CPNE4: variants seen among roughly 807,000 people sequenced by gnomAD.
CPNE4 encodes copine 4.
In CPNE4, 25 loss-of-function variants were observed where a neutral mutation model predicts 67.9. That is an observed-to-expected ratio of 0.37 (90% CI 0.27 to 0.51). The LOEUF (loss-of-function observed/expected upper bound fraction) is 0.51. Ranked by LOEUF, CPNE4 falls within the 20% of genes least tolerant of loss-of-function variation. CPNE4 has a pLI of 0.93. For synonymous variants in CPNE4, 242 were observed against 244.9 expected, an observed-to-expected ratio of 0.99 and a Z score of 0.11; for missense variants, 464 against 690.8, an observed-to-expected ratio of 0.67 and a Z score of 3.68.
At chr3:131,584,514 C>T (rs1210523858) in intron 8 of CPNE4, among the ~76,000 whole-genome samples, 2 of 152,188 alleles carry the variant, frequency 1.3e-5, no homozygotes, top group Non-Finnish European at 2.9e-5. Flanking sequence ...TCCAATTTAT[C>T]TATCTCTATG....
intron 2 of CPNE4, among the ~76,000 whole-genome samples, chr3:131,879,008 G>A (rs1177355134): frequency 6.6e-6 from 1 of 152,226 alleles, no homozygotes; most frequent in East Asian, 1.9e-4. Flanking sequence ...ACATTCCATT[G>A]AAAGTACAAC....
intron 2 of CPNE4, among the ~76,000 whole-genome samples, chr3:131,728,179 T>G (rs575602703): frequency 5.9e-5 from 9 of 152,240 alleles, no homozygotes; most frequent in Non-Finnish European, 1.3e-4. Context: ...GCTGAGGCTC[T>G]TTTCGTATGC....
intron 2 of CPNE4, among the ~76,000 whole-genome samples, chr3:131,854,177 C>T (rs73203852): frequency 0.076 from 11,546 of 151,722 alleles, 578 homozygotes; most frequent in East Asian, 0.17. Context: ...TTTAGTATAT[C>T]CAAATAATAG....
chr3:131,693,371 A>T (rs919908710), intron 5 of CPNE4, among the ~76,000 whole-genome samples: 3 of 152,194 alleles, frequency 2.0e-5, no homozygotes, highest in Admixed American at 2.0e-4. Flanking sequence ...ATTGTTTAAA[A>T]ATAATAAAAT....
chr3:132,030,747 C>T (rs926770862), intron 1 of CPNE4, among the ~76,000 whole-genome samples: 1 of 152,154 alleles, frequency 6.6e-6, no homozygotes, highest in Admixed American at 6.5e-5. Flanking sequence ...GTAGTTCATA[C>T]AGCAAACAGA....
intron 2 of CPNE4, among the ~76,000 whole-genome samples, chr3:131,775,624 G>C (rs2083273812): frequency 6.6e-6 from 1 of 152,108 alleles, no homozygotes; most frequent in Admixed American, 6.6e-5. Flanking sequence ...CCCCGCACAA[G>C]TTCTCTTCTC....
At chr3:131,784,990 C>A (rs1162191031) in intron 2 of CPNE4, among the ~76,000 whole-genome samples, 1 of 152,080 alleles carries the variant, frequency 6.6e-6, no homozygotes, top group Non-Finnish European at 1.5e-5. Context: ...CCCAGTTGCA[C>A]CTCTCACTAT....
chr3:131,808,202 C>T (rs192676260), intron 2 of CPNE4, among the ~76,000 whole-genome samples: 15 of 152,160 alleles, frequency 9.9e-5, no homozygotes, highest in Admixed American at 9.8e-4. Flanking sequence ...TCAGAAATTA[C>T]AAAACACACA....
intron 15 of CPNE4, among the ~76,000 whole-genome samples, chr3:131,542,127 G>C (rs1483370155): frequency 6.6e-6 from 1 of 152,162 alleles, no homozygotes; most frequent in Non-Finnish European, 1.5e-5. Context: ...AGGCCACATA[G>C]CTTGACAAGC....
At chr3:131,591,654 A>T (rs545171806) in intron 7 of CPNE4, among the ~76,000 whole-genome samples, 1 of 152,190 alleles carries the variant, frequency 6.6e-6, no homozygotes, top group Non-Finnish European at 1.5e-5. Flanking sequence ...TCTTTCTTCA[A>T]TCAGCTAGCA....
At chr3:131,958,969 TC>T (rs2072076407) in intron 1 of CPNE4, among the ~76,000 whole-genome samples, 1 of 27,788 alleles carries the variant, frequency 3.6e-5, no homozygotes, top group Non-Finnish European at 6.0e-5. Context: ...GATACACCTT[TC>T]TTTTTTTTTT....
At chr3:131,939,426 G>T (rs1474255907) in intron 1 of CPNE4, among the ~76,000 whole-genome samples, 3 of 152,130 alleles carry the variant, frequency 2.0e-5, no homozygotes, top group African/African-American at 7.2e-5. Context: ...AAAAATGTAT[G>T]TATGTTTGCT....
intron 2 of CPNE4, among the ~76,000 whole-genome samples, chr3:131,842,896 G>A (rs551436448): frequency 6.6e-6 from 1 of 151,988 alleles, no homozygotes; most frequent in Non-Finnish European, 1.5e-5. Flanking sequence ...AAATCAAAAC[G>A]ATATACAGCA....
chr3:131,688,119 A>G (rs1486010627), intron 5 of CPNE4, among the ~76,000 whole-genome samples: 1 of 152,220 alleles, frequency 6.6e-6, no homozygotes, highest in African/African-American at 2.4e-5. Flanking sequence ...TTGGCTCTGC[A>G]GTGAAGAATG....
intron 2 of CPNE4, among the ~76,000 whole-genome samples, chr3:131,893,190 A>G (rs924698001): frequency 2.0e-5 from 3 of 150,986 alleles, no homozygotes; most frequent in Non-Finnish European, 3.0e-5. Context: ...TACTTATATC[A>G]GATAAAGTAG....
At chr3:131,980,700 A>C (rs905477611) in intron 1 of CPNE4, among the ~76,000 whole-genome samples, 1 of 152,036 alleles carries the variant, frequency 6.6e-6, no homozygotes, top group African/African-American at 2.4e-5. Context: ...TTTCAGGTTA[A>C]TCAGGGATTT....
intron 3 of CPNE4, among the ~76,000 whole-genome samples, chr3:131,721,178 G>T (rs1209353135): frequency 6.6e-6 from 1 of 152,004 alleles, no homozygotes; most frequent in Non-Finnish European, 1.5e-5. Context: ...TGAAGGCAAG[G>T]ATTATGTTTT....
At chr3:131,973,276 T>C (rs1301511251) in intron 1 of CPNE4, among the ~76,000 whole-genome samples, 1 of 152,200 alleles carries the variant, frequency 6.6e-6, no homozygotes, top group East Asian at 1.9e-4. Flanking sequence ...AGAATTCCTG[T>C]CATTTCAAAG....
chr3:131,627,320 T>A (rs2079104556), intron 7 of CPNE4, among the ~76,000 whole-genome samples: 1 of 152,202 alleles, frequency 6.6e-6, no homozygotes, highest in South Asian at 2.1e-4. Context: ...TAGCGTGGCT[T>A]TCTGAAAGTT....
Sources: allele counts gnomAD v4.1 joint callset (sites outside exome capture counted in the v4.1 genomes callset), GRCh38; gene constraint gnomAD v4.1.1; transcripts MANE v1.5; gene names NCBI Gene and HGNC (gene_info 2026-07-23, HGNC 2026-07-21).